The following THRAP3 variants were observed in gnomAD, a reference collection of about 807,000 sequenced individuals.
THRAP3 encodes the protein thyroid hormone receptor associated protein 3.
In THRAP3, 16 loss-of-function variants were observed where a neutral mutation model predicts 101.0. The observed-to-expected ratio is 0.16, with a 90% CI of 0.11 to 0.24. The LOEUF (loss-of-function observed/expected upper bound fraction) is 0.24, where lower values mean the gene tolerates loss of function less well. Among genes scored for constraint, THRAP3 ranks in the 10% least tolerant of loss-of-function variants. The probability of loss-of-function intolerance (pLI) is 1.00; values close to 1 mark genes in which losing one functional copy is unlikely to be tolerated. For missense variants in THRAP3, 989 were observed against 1,202.7 expected, an observed-to-expected ratio of 0.82 and a Z score of 2.63; for synonymous variants, 407 against 422.6, an observed-to-expected ratio of 0.96 and a Z score of 0.45.
intron 1 of THRAP3, among the ~76,000 whole-genome samples, chr1:36,249,790 A>T (rs1645276977): frequency 6.6e-6 from 1 of 151,240 alleles, no homozygotes; most frequent in Non-Finnish European, 1.5e-5. Context: ...GAGCATGTCT[A>T]ATGGTGTGGA....
chr1:36,277,752 A>T (rs1368720525), intron 2 of THRAP3, among the ~76,000 whole-genome samples: 1 of 151,988 alleles, frequency 6.6e-6, no homozygotes, highest in Non-Finnish European at 1.5e-5. Context: ...TGGGTTTTTT[A>T]AAAAATTATT....
intron 1 of THRAP3, among the ~76,000 whole-genome samples, chr1:36,241,297 C>T (rs1432864578): frequency 6.7e-6 from 1 of 149,192 alleles, no homozygotes; most frequent in Admixed American, 6.7e-5. Flanking sequence ...CTTTAGAGTA[C>T]TTCAGGTTTA....
chr1:36,272,412 A>T lies in THRAP3; in HGVS notation c.-31-10121A>T, dbSNP rs554892818. On this transcript the variant is annotated intron_variant, in intron 2 of 11. Transcript: ENST00000354618. ...GGTCTCTGATTTGATTTATTCAGGG[A>T]TGGGGTGGAGTATGAGGCCTTGGCA... 3.3e-5 allele frequency among the ~76,000 whole-genome samples: 5 copies of T among 152,302 alleles called. No homozygotes were observed. The East Asian group carries it at 9.6e-4, about 29-fold the overall frequency.
intron 2 of THRAP3, among the ~76,000 whole-genome samples, chr1:36,262,957 TA>T (rs1265636304): frequency 8.3e-6 from 1 of 119,818 alleles, no homozygotes; most frequent in East Asian, 2.1e-4. Flanking sequence ...CAGGGCCGGC[TA>T]ATTTTTTTTT....
intron 2 of THRAP3, among the ~76,000 whole-genome samples, chr1:36,270,167 C>G (rs1295587090): frequency 6.6e-6 from 1 of 152,124 alleles, no homozygotes; most frequent in Non-Finnish European, 1.5e-5. Flanking sequence ...GGAGGGAGGA[C>G]TCCTTGAACC....
At position 36,287,988 on chromosome 1, in the gene THRAP3, G is replaced by T. The variant is rs529703498; in HGVS notation, c.1040+718G>T. The T allele has an allele frequency of 1.5e-5, 14 of 959,114 alleles. No individual in the cohort carries two copies. The South Asian group carries it at 5.8e-4, about 40-fold the overall frequency. The allele number at this position is 959,114 out of a possible 1,614,324, so 59.4% of individuals were successfully genotyped here. On this transcript the variant is annotated intron_variant, in intron 4 of 11. Transcript: ENST00000354618. ...TCAAGAGGGACTAACCCAGCAAGTG[G>T]CTCCCCCTTTTTTTTTCTTTTATCG...
At chr1:36,248,172 G>T (rs1645254266) in intron 1 of THRAP3, among the ~76,000 whole-genome samples, 1 of 152,058 alleles carries the variant, frequency 6.6e-6, no homozygotes, top group Non-Finnish European at 1.5e-5. Flanking sequence ...GAGCCACGGT[G>T]CCCAGCCTCC....
At chr1:36,233,836 A>G (rs914743738) in intron 1 of THRAP3, among the ~76,000 whole-genome samples, 1 of 152,240 alleles carries the variant, frequency 6.6e-6, no homozygotes, top group African/African-American at 2.4e-5. Context: ...GCAGAACTGC[A>G]GGTAACTATA....
intron 9 of THRAP3, 60 bp downstream of exon 9, chr1:36,296,830 C>T (rs1645958612): frequency 7.2e-7 from 1 of 1,383,130 alleles, no homozygotes; most frequent in East Asian, 2.4e-5. Flanking sequence ...CCCCTTTGGG[C>T]TATACACCAG....
intron 1 of THRAP3, among the ~76,000 whole-genome samples, chr1:36,257,565 G>C (rs1645391151): frequency 6.6e-6 from 1 of 152,170 alleles, no homozygotes; most frequent in African/African-American, 2.4e-5. Flanking sequence ...GGCTAGGCAG[G>C]AGGAGGGCAA....
intron 2 of THRAP3, among the ~76,000 whole-genome samples, chr1:36,268,452 A>C (rs1412912801): frequency 5.3e-5 from 8 of 152,168 alleles, no homozygotes; most frequent in African/African-American, 1.9e-4. Flanking sequence ...CAGGCTTGCC[A>C]TTCCTTAATT....
At chr1:36,275,050 G>T (rs1439249572) in intron 2 of THRAP3, among the ~76,000 whole-genome samples, 1 of 150,324 alleles carries the variant, frequency 6.7e-6, no homozygotes, top group Non-Finnish European at 1.5e-5. Context: ...GGGGCAGGGG[G>T]ATCACGAGGT....
intron 11 of THRAP3, 117 bp downstream of exon 11, chr1:36,301,813 G>A: frequency 7.8e-7 from 1 of 1,279,032 alleles, no homozygotes; most frequent in South Asian, 1.5e-5. Flanking sequence ...CAGGATTATT[G>A]CACTGGGGCA....
chr1:36,244,629 A>G (rs1425849204), intron 1 of THRAP3, among the ~76,000 whole-genome samples: 1 of 151,710 alleles, frequency 6.6e-6, no homozygotes, highest in Non-Finnish European at 1.5e-5. Flanking sequence ...GCAGTTTCAG[A>G]TTTCACTCCT....
Position 36,289,451 on chromosome 1 carries a change from C to G in THRAP3, c.1432C>G (p.Pro478Ala). The G allele has an allele frequency of 1.9e-6, 3 of 1,614,134 alleles. No homozygotes were observed. The highest frequency in any genetic ancestry group is 2.5e-6 in the Non-Finnish European group (3 of 1,180,030). Residue 478 changes from proline (P) to alanine (A), a missense_variant, in exon 5 of 12, where the codon CCT becomes GCT. By Grantham distance (27) the Pro-to-Ala change is conservative. Transcript: ENST00000354618. ...SGKWEGLVYA[P>A]PGKEKQRKTE... ...CAAATGGGAGGGCCTGGTATATGCA[C>G]CTCCAGGGAAGGAAAAGCAGAGAAA...
chr1:36,286,614 G>A lies in THRAP3; in HGVS notation c.384G>A (p.Arg128=), dbSNP rs765351367. The A allele has an allele frequency of 5.6e-6, 9 of 1,614,110 alleles. No individual in the cohort carries two copies. In the East Asian group the frequency reaches 1.1e-4, roughly 20 times the overall value. Residue 128 remains arginine (R), a synonymous_variant, in exon 4 of 12, where the codon CGG becomes CGA. Coordinates refer to ENST00000354618, the MANE Select transcript of THRAP3 (RefSeq NM_005119.4). The surrounding 1 kb of genome is among the most constrained non-coding windows in gnomAD (Gnocchi z 5.5). The part of the protein sequence containing the change: ...YSPRRGRSRS[R]SPKRRSPSPR... ...CTCGTCGAGGCCGTTCAAGATCCCG[G>A]TCCCCAAAGAGAAGGTCCCCTTCAC...
chr1:36,241,385 GTATATATATATATATATATATATATATA>G (rs1166260923), intron 1 of THRAP3, among the ~76,000 whole-genome samples: 20 of 8,656 alleles, frequency 2.3e-3, no homozygotes, highest in Admixed American at 0.02. Context: ...GATAATGGGT[GTATATATATATATATATATATATATATA>G]TATATATATA....
At chr1:36,295,478 G>C (rs1032353756) in intron 8 of THRAP3, among the ~76,000 whole-genome samples, 1 of 151,930 alleles carries the variant, frequency 6.6e-6, no homozygotes, top group Non-Finnish European at 1.5e-5. Context: ...GTCTGAGCAG[G>C]TGTGCTGTTG....
At chr1:36,213,551 CAGA>C in the THRAP3 span, among the ~76,000 whole-genome samples, 25 of 151,802 alleles carry the variant, frequency 1.6e-4, no homozygotes, top group Non-Finnish European at 3.2e-4. Flanking sequence ...ATCAGAAAGA[CAGA>C]AGAACTCCTG....
Sources: allele counts gnomAD v4.1 joint callset (sites outside exome capture counted in the v4.1 genomes callset), GRCh38; gene constraint gnomAD v4.1.1; non-coding constraint Gnocchi (gnomAD v3.1); transcripts MANE v1.5; gene names NCBI Gene and HGNC (gene_info 2026-07-23, HGNC 2026-07-21).